HIPK2: variants seen among roughly 807,000 people sequenced by gnomAD.
HIPK2 encodes the protein homeodomain interacting protein kinase 2.
Under a neutral mutation model 113.7 loss-of-function variants are expected in HIPK2, and 27 were observed. The observed-to-expected ratio is 0.24, with a 90% CI of 0.17 to 0.33. The LOEUF (loss-of-function observed/expected upper bound fraction) is 0.33, where lower values mean the gene tolerates loss of function less well. Ranked by LOEUF, HIPK2 falls within the 10% of genes least tolerant of loss-of-function variation. HIPK2 has a pLI of 1.00. For missense variants in HIPK2, 1,257 were observed against 1,588.0 expected (o/e 0.79, Z 3.54); for synonymous variants, 631 against 642.2 (o/e 0.98, Z 0.26).
At chr7:139,586,286 AC>A (rs1373448301) in intron 12 of HIPK2, among the ~76,000 whole-genome samples, 2 of 152,238 alleles carry the variant, frequency 1.3e-5, no homozygotes, top group African/African-American at 4.8e-5. Context: ...ACACAGAGTT[AC>A]CCTATAGCAA....
At chr7:139,751,533 TGGAGGGAG>T (rs6150368) in intron 1 of HIPK2, among the ~76,000 whole-genome samples, 29,959 of 97,386 alleles carry the variant, frequency 0.31, 7,942 homozygotes, top group African/African-American at 0.68. Context: ...ATGAATGATT[TGGAGGGAG>T]GGAGGGAGGG....
Position 139,664,631 on chromosome 7 carries a change from C to T in HIPK2, c.1104-32906G>A, listed in dbSNP as rs189362356. On this transcript the variant is annotated intron_variant, in intron 2 of 14. Coordinates refer to ENST00000406875, the MANE Select transcript of HIPK2 (RefSeq NM_022740.5). ...CCCTTCCTGCTATGGCGCAACATCC[C>T]TTTCAGGGGACAACGAGGGCCACCT... 3.2e-4 allele frequency among the ~76,000 whole-genome samples: 48 copies of T among 152,308 alleles called. No individual in the cohort carries two copies. The East Asian group carries it at 9.3e-3, about 29-fold the overall frequency.
Position 139,564,183 on chromosome 7 carries a change from T to C in HIPK2, c.*8744A>G, listed in dbSNP as rs1324383599. On this transcript the variant is annotated 3_prime_UTR_variant, in exon 15 of 15. Coordinates refer to ENST00000406875, the MANE Select transcript of HIPK2 (RefSeq NM_022740.5). ...TAAAACGTAAACATAGCCTTTTACA[T>C]TGATTTTGCTTTTAAGGGGAAAACG... The C allele has an allele frequency of 2.1e-5, 8 of 380,744 alleles. No homozygotes were observed. The highest frequency in any genetic ancestry group is 1.2e-4 in the African/African-American group (6 of 48,304). 23.6% of individuals were successfully genotyped at this position (380,744 alleles called of 1,614,324 possible). A position where few individuals can be genotyped will look rare whatever the true frequency, so the allele number is the denominator to read the frequency against.
chr7:139,663,541 T>C (rs1266730288), intron 2 of HIPK2, among the ~76,000 whole-genome samples: 1 of 152,210 alleles, frequency 6.6e-6, no homozygotes, highest in East Asian at 1.9e-4. Context: ...ACTGGTATTC[T>C]ATGCCAAACC....
At chr7:139,688,402 C>G (rs1026387323) in intron 2 of HIPK2, among the ~76,000 whole-genome samples, 2 of 152,192 alleles carry the variant, frequency 1.3e-5, no homozygotes, top group South Asian at 4.1e-4. Context: ...CTCTGAATAT[C>G]AGAAGCAGTT....
chr7:139,618,713 A>G (rs993256775), intron 7 of HIPK2, among the ~76,000 whole-genome samples: 1 of 152,168 alleles, frequency 6.6e-6, no homozygotes, highest in Non-Finnish European at 1.5e-5. Flanking sequence ...GCAGAAAGAC[A>G]TCCATGGGAA....
In HIPK2 at chr7:139,718,862, G is replaced by T. The variant is rs112013198; in HGVS notation, c.20-1847C>A. On this transcript the variant is annotated intron_variant, in intron 1 of 14. Coordinates refer to ENST00000406875, the MANE Select transcript of HIPK2 (RefSeq NM_022740.5). ...TCCCTCCTCTCACCTGTGATCAATG[G>T]TTTATGCTCCCTTTTCTTCAATGCC... is the stretch of plus-strand genomic sequence containing the variant. Among the ~76,000 whole-genome samples the T allele has an allele frequency of 1.8e-3, 278 of 152,178 alleles. 2 individuals carry two copies. Among genetic ancestry groups the T allele is most frequent in the African/African-American group, 6.5e-3 (270 of 41,510 alleles).
chr7:139,707,946 C>G (rs1156528666), intron 2 of HIPK2, among the ~76,000 whole-genome samples: 1 of 152,070 alleles, frequency 6.6e-6, no homozygotes. Context: ...TTCACCAACC[C>G]ACATGACCCC....
At chr7:139,686,271 G>A (rs916885913) in intron 2 of HIPK2, among the ~76,000 whole-genome samples, 5 of 152,222 alleles carry the variant, frequency 3.3e-5, no homozygotes, top group African/African-American at 1.2e-4. Context: ...GCACTCTCAT[G>A]ATCAAACTTA....
chr7:139,585,567 C>A (rs940183430), intron 12 of HIPK2, among the ~76,000 whole-genome samples: 9 of 152,144 alleles, frequency 5.9e-5, no homozygotes, highest in African/African-American at 2.2e-4. Context: ...GGTGACAGGG[C>A]GGTGGGCAGC....
intron 1 of HIPK2, among the ~76,000 whole-genome samples, chr7:139,770,105 C>T: frequency 6.6e-6 from 1 of 152,218 alleles, no homozygotes; most frequent in Non-Finnish European, 1.5e-5. Context: ...TGCCGTGACA[C>T]AGAATTCAGG....
chr7:139,581,563 G>A (rs1414106079), intron 13 of HIPK2, among the ~76,000 whole-genome samples: 1 of 152,248 alleles, frequency 6.6e-6, no homozygotes, highest in East Asian at 1.9e-4. Flanking sequence ...GTATGGCGGG[G>A]AAACAGCAGT....
chr7:139,573,171 G>A lies in HIPK2; in HGVS notation c.3353C>T (p.Ala1118Val). Residue 1118 changes from alanine to valine, a missense_variant, in exon 15 of 15, where the codon GCC becomes GTC. Coordinates refer to ENST00000406875, the MANE Select transcript of HIPK2 (RefSeq NM_022740.5). ...PAALGSTGTVAHLVASQGSAR... is the reference protein window; with the variant it reads ...PAALGSTGTVVHLVASQGSAR... ...AGAGCCTTGCGAGGCCACCAGGTGG[G>A]CCACGGTGCCGGTGGAGCCCAGGGC... 2 of 1,609,596 alleles carry A rather than the reference G, an allele frequency of 1.2e-6. No homozygotes were observed. Among genetic ancestry groups the A allele is most frequent in the Non-Finnish European group, 1.7e-6 (2 of 1,179,270 alleles).
chr7:139,758,589 C>T (rs981469928), intron 1 of HIPK2, among the ~76,000 whole-genome samples: 7 of 152,260 alleles, frequency 4.6e-5, no homozygotes, highest in Admixed American at 2.0e-4. Flanking sequence ...GGCTGAGCTC[C>T]GCCTCCTGTC....
intron 1 of HIPK2, among the ~76,000 whole-genome samples, chr7:139,727,935 A>ATTTTTT (rs10524758): frequency 3.4e-5 from 4 of 116,664 alleles, no homozygotes; most frequent in Non-Finnish European, 7.0e-5. Context: ...GCATTGGCTA[A>ATTTTTT]TTTTTTTTTT....
intron 12 of HIPK2, among the ~76,000 whole-genome samples, chr7:139,584,866 C>A (rs1798785485): frequency 6.6e-6 from 1 of 152,164 alleles, no homozygotes; most frequent in Non-Finnish European, 1.5e-5. Flanking sequence ...ACTCTGAAGC[C>A]CTGGCCTTCA....
intron 2 of HIPK2, among the ~76,000 whole-genome samples, chr7:139,691,283 C>T (rs573451682): frequency 6.6e-6 from 1 of 152,302 alleles, no homozygotes; most frequent in Admixed American, 6.5e-5. Context: ...GCTGATAAAA[C>T]CGAACATCAA....
chr7:139,572,014 G>C lies in HIPK2; in HGVS notation c.*913C>G, dbSNP rs1339820682. 1 of 152,250 alleles carries C rather than the reference G, an allele frequency of 6.6e-6. No individual in the cohort carries two copies. Among genetic ancestry groups the C allele is most frequent in the African/African-American group, 2.4e-5 (1 of 41,466 alleles). 9.4% of individuals were successfully genotyped at this position (152,250 alleles called of 1,614,324 possible). A position where few individuals can be genotyped will look rare whatever the true frequency, so the allele number is the denominator to read the frequency against. On this transcript the variant is annotated 3_prime_UTR_variant, in exon 15 of 15. Coordinates refer to ENST00000406875, the MANE Select transcript of HIPK2 (RefSeq NM_022740.5). Reference sequence around the variant, plus strand: ...CATTGGAGTTGAACACAAGGTAGGAGACAAGGGTGCTGAGTGCTACATTCT... The same window carrying C: ...CATTGGAGTTGAACACAAGGTAGGACACAAGGGTGCTGAGTGCTACATTCT...
chr7:139,694,531 C>T (rs912203160), intron 2 of HIPK2, among the ~76,000 whole-genome samples: 1 of 152,148 alleles, frequency 6.6e-6, no homozygotes, highest in African/African-American at 2.4e-5. Context: ...TCTGGAACCA[C>T]GTGGGGAGTC....
Sources: allele counts gnomAD v4.1 joint callset (sites outside exome capture counted in the v4.1 genomes callset), GRCh38; gene constraint gnomAD v4.1.1; transcripts MANE v1.5; gene names NCBI Gene and HGNC (gene_info 2026-07-23, HGNC 2026-07-21).